Variants in TANC2 observed in about 807,000 individuals in gnomAD.
The protein encoded by TANC2 is protein TANC2.
A neutral mutation model predicts 210.5 loss-of-function variants in TANC2; 26 were observed. That is an observed-to-expected ratio of 0.12 (90% CI 0.09 to 0.17). TANC2 has a LOEUF of 0.17. TANC2 is among the 10% of genes least tolerant of loss of function. TANC2 has a pLI of 1.00. For synonymous variants in TANC2, 931 were observed against 967.1 expected, an observed-to-expected ratio of 0.96 and a Z score of 0.69; for missense variants, 2,129 against 2,608.9, an observed-to-expected ratio of 0.82 and a Z score of 4.01.
intron 2 of TANC2, among the ~76,000 whole-genome samples, chr17:63,064,470 A>G (rs1003460763): frequency 2.6e-5 from 4 of 152,126 alleles, no homozygotes; most frequent in Non-Finnish European, 5.9e-5. Context: ...AAAACAAACA[A>G]ACATACAAAA....
At chr17:63,098,356 T>C (rs940281290) in intron 3 of TANC2, among the ~76,000 whole-genome samples, 2 of 151,334 alleles carry the variant, frequency 1.3e-5, no homozygotes, top group African/African-American at 2.4e-5. Flanking sequence ...TCTCCTAGAG[T>C]ATAGTTCTTT....
Position 63,420,496 on chromosome 17 carries a change from C to G in TANC2, c.4766C>G (p.Thr1589Ser). 1 of 1,614,018 alleles carries G rather than the reference C, an allele frequency of 6.2e-7. No homozygotes were observed. Among genetic ancestry groups the G allele is most frequent in the Non-Finnish European group, 8.5e-7 (1 of 1,179,870 alleles). The change falls in exon 28 of 28, where the codon ACT becomes AGT. Residue 1589 changes from threonine to serine, a missense_variant. Thr to Ser is a moderately conservative substitution (Grantham distance 58). Coordinates refer to ENST00000689528, the Ensembl canonical transcript of TANC2. This position sits in a 1 kb window ranked among gnomAD's most constrained non-coding sequence, Gnocchi z 4.2. Reference sequence around the variant, plus strand: ...CATTACAGGCCTAGCCCACCACACACTTCCCCGGCTCATCAGGGAGGATCT... The same window carrying G: ...CATTACAGGCCTAGCCCACCACACAGTTCCCCGGCTCATCAGGGAGGATCT...
chr17:63,102,195 T>C (rs1187631051), intron 4 of TANC2, among the ~76,000 whole-genome samples: 1 of 151,950 alleles, frequency 6.6e-6, no homozygotes, highest in Non-Finnish European at 1.5e-5. Context: ...TATGTAGTCC[T>C]AGCTACCAAG....
At chr17:63,004,592 TAAAAA>T (rs60120400) in intron 1 of TANC2, 7 of 153,274 alleles carry the variant, frequency 4.6e-5, no homozygotes, top group South Asian at 1.5e-4. Flanking sequence ...AGCATAGCTT[TAAAAA>T]AAAAAAAAAA....
At chr17:63,133,642 A>G (rs1195047598) in intron 4 of TANC2, among the ~76,000 whole-genome samples, 2 of 152,224 alleles carry the variant, frequency 1.3e-5, no homozygotes, top group East Asian at 3.9e-4. Flanking sequence ...GTTCTTTATT[A>G]TATGTAAAAC....
intron 9 of TANC2, among the ~76,000 whole-genome samples, chr17:63,291,750 G>A (rs557143259): frequency 3.3e-5 from 5 of 152,176 alleles, no homozygotes; most frequent in African/African-American, 7.2e-5. Flanking sequence ...ACCTTATCAG[G>A]TAGATGCTCT....
rs368559943 is a variant in TANC2 at position 63,405,946 on chromosome 17, G to A, written c.3466-208G>A. Among the ~76,000 whole-genome samples the A allele has an allele frequency of 2.6e-4, 40 of 152,342 alleles. No homozygotes were observed. In the East Asian group the frequency reaches 5.4e-3, roughly 21 times the overall value. ...TTACTTAGTAGCTGAGTCAGACATT[G>A]AGAGTTGAATCCTTCTCATTTGACT... On this transcript the variant is annotated intron_variant, in intron 20 of 27. Coordinates refer to ENST00000689528, the Ensembl canonical transcript of TANC2.
At chr17:63,095,645 A>G (rs1418424353) in intron 3 of TANC2, among the ~76,000 whole-genome samples, 2 of 152,154 alleles carry the variant, frequency 1.3e-5, no homozygotes, top group African/African-American at 2.4e-5. Context: ...AGCTAGCCCT[A>G]TCATGCCCAA....
chr17:63,286,442 C>T (rs916427202), intron 9 of TANC2, among the ~76,000 whole-genome samples: 1 of 152,096 alleles, frequency 6.6e-6, no homozygotes, highest in African/African-American at 2.4e-5. Context: ...GATCCACTGC[C>T]TTCTCACTTG....
At chr17:63,055,987 AAAAATATATATATAT>A (rs1387729344) in intron 2 of TANC2, among the ~76,000 whole-genome samples, 2 of 14,510 alleles carry the variant, frequency 1.4e-4, no homozygotes, top group African/African-American at 1.8e-4. Context: ...AAAAAAAAAA[AAAAATATATATATAT>A]ATATATATAT....
chr17:63,274,857 A>G lies in TANC2; in HGVS notation c.1159+6984A>G, dbSNP rs538149283. On this transcript the variant is annotated intron_variant, in intron 9 of 27. Coordinates refer to ENST00000689528, the Ensembl canonical transcript of TANC2. ...CTTCATGTTTTTAAATTTAATCACC[A>G]TTAGGTTAATGTGGAGTTATGCTAA... Among the ~76,000 whole-genome samples the G allele has an allele frequency of 7.9e-5, 12 of 152,240 alleles. No individual in the cohort carries two copies. The South Asian group carries it at 2.5e-3, about 32-fold the overall frequency.
chr17:63,362,221 A>G (rs1402037288), intron 14 of TANC2, among the ~76,000 whole-genome samples: 3 of 152,212 alleles, frequency 2.0e-5, no homozygotes, highest in African/African-American at 4.8e-5. Flanking sequence ...GGTAGCTCCT[A>G]TCTGCAGGCA....
intron 6 of TANC2, among the ~76,000 whole-genome samples, chr17:63,195,152 T>A (rs1317781335): frequency 6.6e-6 from 1 of 152,214 alleles, no homozygotes; most frequent in African/African-American, 2.4e-5. Flanking sequence ...CCTTAGGTTA[T>A]TGGTTTTGCT....
intron 5 of TANC2, among the ~76,000 whole-genome samples, chr17:63,159,861 T>C (rs2039965920): frequency 6.6e-6 from 1 of 152,236 alleles, no homozygotes; most frequent in East Asian, 1.9e-4. Context: ...CTGCTCAAGC[T>C]GCCATAACAA....
intron 11 of TANC2, among the ~76,000 whole-genome samples, chr17:63,328,043 A>G (rs2045707150): frequency 6.6e-6 from 1 of 152,204 alleles, no homozygotes; most frequent in Admixed American, 6.5e-5. Context: ...TTACAGCAAC[A>G]TGGATGCAGC....
At chr17:63,103,175 G>A (rs2037694993) in intron 4 of TANC2, among the ~76,000 whole-genome samples, 1 of 152,000 alleles carries the variant, frequency 6.6e-6, no homozygotes, top group Non-Finnish European at 1.5e-5. Context: ...GGGTACTTAT[G>A]TTTTCATTTT....
At chr17:63,328,851 A>G (rs1182993024) in intron 11 of TANC2, among the ~76,000 whole-genome samples, 2 of 152,186 alleles carry the variant, frequency 1.3e-5, no homozygotes, top group Non-Finnish European at 2.9e-5. Flanking sequence ...TGGTTTCATC[A>G]TTCCACATTA....
At chr17:63,130,317 G>A (rs2038872848) in intron 4 of TANC2, among the ~76,000 whole-genome samples, 2 of 152,078 alleles carry the variant, frequency 1.3e-5, no homozygotes, top group Non-Finnish European at 2.9e-5. Context: ...ACCAAGACCA[G>A]CCTGGCCAAC....
chr17:63,042,990 C>G (rs1357585526), intron 2 of TANC2, among the ~76,000 whole-genome samples: 3 of 151,898 alleles, frequency 2.0e-5, no homozygotes, highest in African/African-American at 7.2e-5. Flanking sequence ...TTATTTTTTT[C>G]TATTGAAGAC....
Sources: gnomAD v4.1 joint callset for allele counts (sites outside exome capture counted in the v4.1 genomes callset) on GRCh38, gnomAD v4.1.1 for gene constraint, Gnocchi (gnomAD v3.1) non-coding constraint, MANE v1.5 for transcripts, NCBI Gene and HGNC (gene_info 2026-07-23, HGNC 2026-07-21) for gene names.